The following PHF24 variants were observed in gnomAD, a reference collection of about 807,000 sequenced individuals.
PHF24 encodes PHD finger protein 24.
In PHF24, 25 loss-of-function variants were observed where a neutral mutation model predicts 42.6. The observed-to-expected ratio is 0.59, with a 90% CI of 0.43 to 0.82. The LOEUF (loss-of-function observed/expected upper bound fraction) is 0.82. PHF24 is among the 40% of genes least tolerant of loss of function. The pLI is 0.00. For synonymous variants in PHF24, 185 were observed against 204.8 expected, an observed-to-expected ratio of 0.90 and a Z score of 0.83; for missense variants, 470 against 538.1, an observed-to-expected ratio of 0.87 and a Z score of 1.25.
At chr9:34,977,867 T>C in intron 7 of PHF24, 148 bp from the exon 8 acceptor site, 1 of 771,776 alleles carries the variant, frequency 1.3e-6, no homozygotes, top group Non-Finnish European at 2.2e-6. Context: ...CAAGCTTCCC[T>C]GAGTTTTGTG....
the PHF24 span, among the ~76,000 whole-genome samples, chr9:34,687,122 G>A: frequency 6.6e-6 from 1 of 152,062 alleles, no homozygotes; most frequent in Admixed American, 6.5e-5. Context: ...GAAGGGGTGG[G>A]GAGGGTTGCA....
the PHF24 span, among the ~76,000 whole-genome samples, chr9:34,913,426 A>G: frequency 6.6e-6 from 1 of 152,334 alleles, no homozygotes; most frequent in East Asian, 1.9e-4. Flanking sequence ...ATCCTGGAAA[A>G]TTCAACTTAA....
the PHF24 span, among the ~76,000 whole-genome samples, chr9:34,778,309 T>C: frequency 6.6e-6 from 1 of 152,274 alleles, no homozygotes; most frequent in South Asian, 2.1e-4. Flanking sequence ...GATTAAATAA[T>C]TCAATCAAAA....
At chr9:34,903,185 C>T in the PHF24 span, among the ~76,000 whole-genome samples, 1 of 152,162 alleles carries the variant, frequency 6.6e-6, no homozygotes, top group Non-Finnish European at 1.5e-5. Flanking sequence ...AGGTCCTTGC[C>T]ACCTCTATTT....
chr9:34,933,050 C>T, the PHF24 span, among the ~76,000 whole-genome samples: 8 of 149,122 alleles, frequency 5.4e-5, 1 homozygote, highest in South Asian at 1.7e-3. Context: ...GCCTCAAACT[C>T]CTGGGCTCAA....
At chr9:34,806,820 T>C in the PHF24 span, among the ~76,000 whole-genome samples, 1 of 152,232 alleles carries the variant, frequency 6.6e-6, no homozygotes, top group Non-Finnish European at 1.5e-5. Context: ...CTATTAGTAA[T>C]GGAATTGTTT....
At chr9:34,708,439 G>T in the PHF24 span, among the ~76,000 whole-genome samples, 1 of 152,194 alleles carries the variant, frequency 6.6e-6, no homozygotes, top group African/African-American at 2.4e-5. Flanking sequence ...AGAGGTCAAG[G>T]CCCGAGCTTC....
the PHF24 span, among the ~76,000 whole-genome samples, chr9:34,717,867 C>G: frequency 6.6e-6 from 1 of 152,130 alleles, no homozygotes; most frequent in Non-Finnish European, 1.5e-5. Flanking sequence ...GTTCATGGGT[C>G]CATGTGAGTT....
At chr9:34,828,171 G>C in the PHF24 span, among the ~76,000 whole-genome samples, 1 of 151,734 alleles carries the variant, frequency 6.6e-6, no homozygotes. Flanking sequence ...TTGTCCCTCT[G>C]GGTCTCTGCC....
At chr9:34,961,409 C>T (rs1826584794) in intron 1 of PHF24, among the ~76,000 whole-genome samples, 1 of 152,202 alleles carries the variant, frequency 6.6e-6, no homozygotes, top group Non-Finnish European at 1.5e-5. Context: ...ATTAGCACAT[C>T]CCCCTCCATT....
At chr9:34,866,910 G>T in the PHF24 span, among the ~76,000 whole-genome samples, 1 of 152,154 alleles carries the variant, frequency 6.6e-6, no homozygotes, top group Non-Finnish European at 1.5e-5. Flanking sequence ...TCTCAGGAAA[G>T]CATGGCCATC....
chr9:34,736,424 A>G, the PHF24 span, among the ~76,000 whole-genome samples: 1 of 152,146 alleles, frequency 6.6e-6, no homozygotes, highest in African/African-American at 2.4e-5. Context: ...CTCCCATCTC[A>G]GCCTCCTGAG....
At chr9:34,811,061 A>G in the PHF24 span, among the ~76,000 whole-genome samples, 4 of 152,340 alleles carry the variant, frequency 2.6e-5, no homozygotes, top group Non-Finnish European at 2.9e-5. Context: ...GCTAGGCACT[A>G]TACTAGGTAT....
At chr9:34,689,736 C>T in the PHF24 span, 1 of 1,539,696 alleles carries the variant, frequency 6.5e-7, no homozygotes, top group Admixed American at 1.7e-5. This position sits in a 1 kb window ranked among gnomAD's most constrained non-coding sequence, Gnocchi z 4.1. Context: ...CCTGGTCCTT[C>T]CTTCTGGTCC....
chr9:34,963,413 G>A lies in PHF24; in HGVS notation c.-5+5012G>A, dbSNP rs1255024317. ...ACTCTTGCAGCTGGTCACCTTCTGTGTTAGGCATATGGCTTTTCCTAAGGC... is the reference window on the plus strand; with the variant it reads ...ACTCTTGCAGCTGGTCACCTTCTGTATTAGGCATATGGCTTTTCCTAAGGC... On this transcript the variant is annotated intron_variant, in intron 1 of 7. Coordinates refer to ENST00000242315, the Ensembl canonical transcript of PHF24. Among the ~76,000 whole-genome samples, 4 of 152,238 alleles carry A rather than the reference G, an allele frequency of 2.6e-5. No homozygotes were observed. In the South Asian group the frequency reaches 8.3e-4, roughly 32 times the overall value.
the PHF24 span, among the ~76,000 whole-genome samples, chr9:34,824,520 G>T: frequency 6.6e-6 from 1 of 151,910 alleles, no homozygotes; most frequent in South Asian, 2.1e-4. Context: ...GGGAATCATG[G>T]TGATATTAAA....
the PHF24 span, among the ~76,000 whole-genome samples, chr9:34,938,094 G>T: frequency 1.3e-5 from 2 of 152,186 alleles, no homozygotes; most frequent in African/African-American, 4.8e-5. Context: ...ATTCCAGTGT[G>T]TTAACCTTAG....
chr9:34,689,966 T>C, the PHF24 span: 1 of 1,613,904 alleles, frequency 6.2e-7, no homozygotes, highest in Non-Finnish European at 8.5e-7. The surrounding 1 kb of genome is among the most constrained non-coding windows in gnomAD (Gnocchi z 4.1). Flanking sequence ...GGATGATGCG[T>C]TCTACCCAGG....
chr9:34,942,175 C>G, the PHF24 span, among the ~76,000 whole-genome samples: 4 of 152,252 alleles, frequency 2.6e-5, 1 homozygote, highest in South Asian at 8.3e-4. Context: ...CAGGACAGCT[C>G]GCACCACAGC....
Sources: gnomAD v4.1 joint callset for allele counts (sites outside exome capture counted in the v4.1 genomes callset) on GRCh38, gnomAD v4.1.1 for gene constraint, Gnocchi (gnomAD v3.1) non-coding constraint, MANE v1.5 for transcripts, NCBI Gene and HGNC (gene_info 2026-07-23, HGNC 2026-07-21) for gene names.